WDR70: variants seen among roughly 807,000 people sequenced by gnomAD.
WDR70 encodes the protein WD repeat domain 70.
Under a neutral mutation model 88.6 loss-of-function variants are expected in WDR70, and 53 were observed. That is an observed-to-expected ratio of 0.60 (90% CI 0.48 to 0.75). The LOEUF is 0.75. WDR70 is among the 30% of genes least tolerant of loss of function. The probability of loss-of-function intolerance (pLI) is 0.00; values close to 1 mark genes in which losing one functional copy is unlikely to be tolerated. For missense variants in WDR70, 610 were observed against 823.2 expected, an observed-to-expected ratio of 0.74 and a Z score of 3.17; for synonymous variants, 280 against 270.0, an observed-to-expected ratio of 1.04 and a Z score of -0.36.
chr5:37,385,780 C>A (rs982519247), intron 3 of WDR70, among the ~76,000 whole-genome samples: 12 of 151,136 alleles, frequency 7.9e-5, no homozygotes, highest in African/African-American at 2.2e-4. Context: ...AGCTCTGTGG[C>A]AGGAACCTGA....
At chr5:37,672,383 G>A (rs137894786) in intron 10 of WDR70, among the ~76,000 whole-genome samples, 2,085 of 152,176 alleles carry the variant, frequency 0.014, 40 homozygotes, top group African/African-American at 0.046. Flanking sequence ...GAAGGCCTCC[G>A]TCTCCTGCAT....
intron 5 of WDR70, among the ~76,000 whole-genome samples, chr5:37,411,280 T>C (rs1243302547): frequency 3.5e-4 from 53 of 152,324 alleles, no homozygotes; most frequent in Non-Finnish European, 1.5e-5. Context: ...TTATTTAATA[T>C]AATAATGTGC....
chr5:37,468,745 A>G (rs1410723270), intron 7 of WDR70, among the ~76,000 whole-genome samples: 2 of 149,532 alleles, frequency 1.3e-5, no homozygotes, highest in South Asian at 2.1e-4. Flanking sequence ...GAAATATTGG[A>G]AAAAAAATTG....
At chr5:37,386,623 C>T (rs1748625037) in intron 3 of WDR70, among the ~76,000 whole-genome samples, 1 of 151,944 alleles carries the variant, frequency 6.6e-6, no homozygotes. Context: ...TTTTTATTTT[C>T]AATTTTTGTG....
chr5:37,444,838 C>T (rs185789615), intron 7 of WDR70, among the ~76,000 whole-genome samples: 107 of 152,258 alleles, frequency 7.0e-4, no homozygotes, highest in African/African-American at 2.5e-3. Context: ...ACTGTTCTAT[C>T]TCAGATCATC....
At chr5:37,707,176 T>A (rs993238465) in intron 13 of WDR70, among the ~76,000 whole-genome samples, 2 of 152,238 alleles carry the variant, frequency 1.3e-5, no homozygotes, top group African/African-American at 2.4e-5. Context: ...TTTTAACTAG[T>A]ATGAACCAAG....
intron 7 of WDR70, among the ~76,000 whole-genome samples, chr5:37,445,040 C>A (rs1411474747): frequency 2.0e-5 from 3 of 152,154 alleles, no homozygotes; most frequent in Non-Finnish European, 4.4e-5. Context: ...TAGACTGATA[C>A]CAGTCCATGT....
intron 10 of WDR70, chr5:37,688,059 G>T: frequency 5.6e-6 from 3 of 534,056 alleles, no homozygotes; most frequent in South Asian, 2.8e-5. Flanking sequence ...ACATCTATAT[G>T]CATGTGTTTA....
chr5:37,600,526 C>CAAAA (rs552804920), intron 9 of WDR70, among the ~76,000 whole-genome samples: 42,307 of 100,426 alleles, frequency 0.42, 9,201 homozygotes, highest in Non-Finnish European at 0.56. Context: ...GACTCCGTCT[C>CAAAA]AAAAAAAAAA....
At chr5:37,662,117 C>G (rs1026626452) in intron 10 of WDR70, among the ~76,000 whole-genome samples, 2 of 152,184 alleles carry the variant, frequency 1.3e-5, no homozygotes, top group African/African-American at 4.8e-5. Flanking sequence ...TAGGTCTGAT[C>G]TCTTTCACTG....
intron 10 of WDR70, among the ~76,000 whole-genome samples, chr5:37,650,161 G>T (rs981342985): frequency 6.6e-6 from 1 of 150,640 alleles, no homozygotes; most frequent in African/African-American, 2.4e-5. Context: ...ACTTTGGGAG[G>T]CCAAGGTGGG....
chr5:37,696,316 T>C (rs1173083773), intron 10 of WDR70, among the ~76,000 whole-genome samples: 1 of 152,194 alleles, frequency 6.6e-6, no homozygotes, highest in Non-Finnish European at 1.5e-5. Context: ...ACTCAATATA[T>C]ACAGATTATT....
chr5:37,657,708 G>A (rs1244591675), intron 10 of WDR70, among the ~76,000 whole-genome samples: 3 of 152,282 alleles, frequency 2.0e-5, no homozygotes, highest in Middle Eastern at 3.4e-3. Context: ...CACTGAATCA[G>A]GACCATCTGG....
intron 10 of WDR70, among the ~76,000 whole-genome samples, chr5:37,613,894 A>G (rs1284836090): frequency 1.3e-5 from 2 of 152,196 alleles, no homozygotes; most frequent in African/African-American, 4.8e-5. Context: ...GTTCAATCCC[A>G]GGCAGTCTGG....
intron 7 of WDR70, among the ~76,000 whole-genome samples, chr5:37,471,915 A>G (rs1739337620): frequency 6.6e-6 from 1 of 151,944 alleles, no homozygotes; most frequent in African/African-American, 2.4e-5. Flanking sequence ...TTGCATGGTC[A>G]AGGACCTCTA....
In WDR70 at chr5:37,702,909, A is replaced by G. The variant is rs769862431; in HGVS notation, c.1278-40A>G. ...ACTAATGATTGCTGGACTGTTGTGG[A>G]GGTCATAAGCTTATACTCGTAAACT... is the stretch of plus-strand genomic sequence containing the variant. On this transcript the variant is annotated intron_variant, in intron 12 of 17. Transcript: ENST00000265107. 10 of 1,573,848 alleles carry G rather than the reference A, an allele frequency of 6.4e-6. No homozygotes were observed. The Admixed American group carries it at 8.5e-5, about 13-fold the overall frequency.
chr5:37,487,623 A>AT (rs1303879846), intron 8 of WDR70, among the ~76,000 whole-genome samples: 1 of 18,604 alleles, frequency 5.4e-5, no homozygotes, highest in African/African-American at 1.1e-4. Context: ...ATATATATAT[A>AT]TGTATTTTTT....
intron 9 of WDR70, among the ~76,000 whole-genome samples, chr5:37,561,024 G>T (rs554032162): frequency 6.6e-6 from 1 of 151,642 alleles, no homozygotes; most frequent in Non-Finnish European, 1.5e-5. Context: ...CCGGCCATGT[G>T]GTACACCTAT....
chr5:37,682,014 C>G (rs929542813), intron 10 of WDR70, among the ~76,000 whole-genome samples: 1 of 152,092 alleles, frequency 6.6e-6, no homozygotes, highest in Non-Finnish European at 1.5e-5. Flanking sequence ...GGTACTAACT[C>G]TTCTTGTACA....
Sources: gnomAD v4.1 joint callset for allele counts (sites outside exome capture counted in the v4.1 genomes callset) on GRCh38, gnomAD v4.1.1 for gene constraint, MANE v1.5 for transcripts, NCBI Gene and HGNC (gene_info 2026-07-23, HGNC 2026-07-21) for gene names.